Variants in ANLN observed in about 807,000 individuals in gnomAD.
The protein encoded by ANLN is anillin, actin binding protein, also known as anillin.
ANLN carries 59 observed loss-of-function variants against 135.1 expected under a neutral mutation model. The ratio of observed to expected loss-of-function variants is 0.44; its 90% CI spans 0.35 to 0.54. ANLN has a LOEUF of 0.54. ANLN is among the 20% of genes least tolerant of loss of function. ANLN has a pLI of 0.00. For missense variants in ANLN, 1,182 were observed against 1,340.0 expected, an observed-to-expected ratio of 0.88 and a Z score of 1.84; for synonymous variants, 406 against 456.4, an observed-to-expected ratio of 0.89 and a Z score of 1.41.
At chr7:36,412,553 C>T (rs1466060851) in intron 7 of ANLN, among the ~76,000 whole-genome samples, 2 of 151,954 alleles carry the variant, frequency 1.3e-5, no homozygotes, top group East Asian at 1.9e-4. Context: ...GTCTCGAACT[C>T]GTGACCTCAG....
chr7:36,449,325 TAA>T (rs1562827046), intron 22 of ANLN: 1 of 163,472 alleles, frequency 6.1e-6, no homozygotes, highest in African/African-American at 2.4e-5. Flanking sequence ...AAGTTGTAGA[TAA>T]AAGGCACTTG....
intron 20 of ANLN, among the ~76,000 whole-genome samples, chr7:36,432,119 G>T (rs565881124): frequency 2.3e-4 from 35 of 152,170 alleles, no homozygotes; most frequent in Non-Finnish European, 4.9e-4. Context: ...CTATTCAGAA[G>T]GCTGAGATGG....
At chr7:36,428,352 C>T (rs1788171930) in intron 20 of ANLN, 8 of 1,283,070 alleles carry the variant, frequency 6.2e-6, no homozygotes, top group African/African-American at 1.5e-5. Context: ...CTATTTGTTC[C>T]AGGAAAAGGT....
At chr7:36,415,331 TGTGGGTTGAGATAAGTGACATAGGG>T (rs1438042830) in intron 7 of ANLN, among the ~76,000 whole-genome samples, 1 of 152,146 alleles carries the variant, frequency 6.6e-6, no homozygotes, top group Non-Finnish European at 1.5e-5. Flanking sequence ...ATGTTATAGG[TGTGGGTTGAGATAAGTGACATAGGG>T]GTGGGTGTTT....
In ANLN at chr7:36,423,827, T is replaced by A. The variant is rs1336972359; in HGVS notation, c.2487T>A (p.Asn829Lys). 1 of 1,609,706 alleles carries A rather than the reference T, an allele frequency of 6.2e-7. No individual in the cohort carries two copies. Among genetic ancestry groups the A allele is most frequent in the Non-Finnish European group, 8.5e-7 (1 of 1,178,446 alleles). Reference protein sequence around the residue: ...CSTVQKPDAANYYYLIILKAG... With the variant: ...CSTVQKPDAAKYYYLIILKAG... ...GATTACTTCTTACAGATGCAGCAAATTACTATTACTTAATTATACTAAAAG... is the reference window on the plus strand; with the variant it reads ...GATTACTTCTTACAGATGCAGCAAAATACTATTACTTAATTATACTAAAAG... The change falls in exon 15 of 24, where the codon AAT becomes AAA. Residue 829 changes from asparagine (N) to lysine (K), a missense_variant. Physicochemically the swap from Asn to Lys is moderately conservative, Grantham distance 94. Around this residue, in one of 3 missense-constraint regions of ANLN, gnomAD observed 1,022 missense variants for 1,134.0 expected, o/e 0.90. Coordinates refer to ENST00000265748, the MANE Select transcript of ANLN (RefSeq NM_018685.5).
At chr7:36,425,876 G>A in intron 18 of ANLN, 136 bp downstream of exon 18, 2 of 1,123,796 alleles carry the variant, frequency 1.8e-6, no homozygotes, top group East Asian at 2.5e-5. Context: ...GGATATCCCT[G>A]TAATTTATGT....
chr7:36,408,028 T>C, intron 5 of ANLN, 72 bp downstream of exon 5: 1 of 1,213,112 alleles, frequency 8.2e-7, no homozygotes, highest in Non-Finnish European at 1.2e-6. Flanking sequence ...TTTTAAATAT[T>C]CAATTGTGAA....
chr7:36,424,467 A>G (rs1296181975), intron 15 of ANLN, 78 bp from the exon 16 acceptor site: 2 of 1,167,074 alleles, frequency 1.7e-6, no homozygotes, highest in Non-Finnish European at 2.4e-6. Flanking sequence ...GAGTCTTGTA[A>G]GAGTATTTGT....
At chr7:36,417,307 C>T (rs1787684883) in intron 9 of ANLN, 117 bp downstream of exon 9, 1 of 624,046 alleles carries the variant, frequency 1.6e-6, no homozygotes, top group Non-Finnish European at 2.8e-6. Flanking sequence ...AATCAGAATA[C>T]ACTGTAGCTT....
rs1787365968 is a variant in ANLN at position 36,410,497 on chromosome 7, G to A, written c.1097-17G>A. Reference sequence around the variant, plus strand: ...TTTATTTTGAATAGCCTCCAAAAATGTGTGTGTTTTCTGTAGGAGGAACAG... The same window carrying A: ...TTTATTTTGAATAGCCTCCAAAAATATGTGTGTTTTCTGTAGGAGGAACAG... On this transcript the variant is annotated splice_polypyrimidine_tract_variant and intron_variant, in intron 5 of 23. Transcript: ENST00000265748. 1.3e-6 allele frequency: 2 copies of A among 1,562,240 alleles called. No homozygotes were observed. The highest frequency in any genetic ancestry group is 2.3e-5 in the East Asian group (1 of 44,192).
intron 2 of ANLN, among the ~76,000 whole-genome samples, chr7:36,398,210 A>G (rs1326350567): frequency 6.7e-6 from 1 of 149,634 alleles, no homozygotes; most frequent in Non-Finnish European, 1.5e-5. Flanking sequence ...CAGTTATTTT[A>G]TAGGTGTTCA....
chr7:36,399,051 A>G, intron 2 of ANLN, 28 bp from the exon 3 acceptor site: 3 of 1,554,512 alleles, frequency 1.9e-6, no homozygotes, highest in Non-Finnish European at 2.6e-6. Flanking sequence ...ACAAATTTGA[A>G]TGTCTTTTTT....
At chr7:36,425,425 G>A (rs1376738133) in intron 17 of ANLN, among the ~76,000 whole-genome samples, 1 of 151,386 alleles carries the variant, frequency 6.6e-6, no homozygotes, top group African/African-American at 2.4e-5. Context: ...CTCCTGTGAA[G>A]CTGGGACTAC....
At chr7:36,433,811 C>T (rs893579322) in intron 20 of ANLN, among the ~76,000 whole-genome samples, 1 of 151,976 alleles carries the variant, frequency 6.6e-6, no homozygotes, top group African/African-American at 2.4e-5. Flanking sequence ...GCTTTGAAGC[C>T]TAGCCAATGC....
At chr7:36,447,487 GGA>G in intron 22 of ANLN, among the ~76,000 whole-genome samples, 1 of 149,584 alleles carries the variant, frequency 6.7e-6, no homozygotes, top group Non-Finnish European at 1.5e-5. Context: ...TGCAGTCGCG[GGA>G]TCTCGGCTCA....
intron 2 of ANLN, 125 bp downstream of exon 2, chr7:36,396,544 G>A (rs1226272988): frequency 1.1e-6 from 1 of 904,504 alleles, no homozygotes; most frequent in African/African-American, 1.7e-5. Context: ...ACAGCCTCTG[G>A]GGGAAATAAC....
intron 23 of ANLN, 128 bp downstream of exon 23, chr7:36,449,965 AACAC>A (rs1789178796): frequency 1.3e-6 from 1 of 768,180 alleles, no homozygotes; most frequent in South Asian, 2.5e-5. Flanking sequence ...GAGAAAACAA[AACAC>A]ACACAAAGCA....
chr7:36,428,946 T>C (rs1788202919), intron 20 of ANLN, among the ~76,000 whole-genome samples: 1 of 151,704 alleles, frequency 6.6e-6, no homozygotes, highest in Admixed American at 6.6e-5. Context: ...ATCTGGCTAG[T>C]TTTTGTATTT....
rs752437463 is a variant in ANLN at position 36,422,622 on chromosome 7, G to A, written c.2300-11G>A. The A allele has an allele frequency of 1.3e-6, 2 of 1,578,662 alleles. No homozygotes were observed. The highest frequency in any genetic ancestry group is 1.2e-5 in the South Asian group (1 of 84,944). On this transcript the variant is annotated splice_polypyrimidine_tract_variant and intron_variant, in intron 13 of 23. Coordinates refer to ENST00000265748, the MANE Select transcript of ANLN (RefSeq NM_018685.5). ...ATTTTAATATTTGGAATATTGCGTT[G>A]TTTTACATAGCTGGGAAGAGAACAC...
Sources: allele counts gnomAD v4.1 joint callset (sites outside exome capture counted in the v4.1 genomes callset), GRCh38; gene constraint gnomAD v4.1.1; regional missense constraint gnomAD v4.1.1; transcripts MANE v1.5; gene names NCBI Gene and HGNC (gene_info 2026-07-23, HGNC 2026-07-21).